Variants in OR1J2 observed in about 807,000 individuals in gnomAD.
The protein encoded by OR1J2 is olfactory receptor 1J2.
For synonymous variants in OR1J2, 142 were observed against 99.7 expected (o/e 1.42, Z -2.52); for missense variants, 304 against 246.1 (o/e 1.24, Z -1.57).
the OR1J2 span, among the ~76,000 whole-genome samples, chr9:122,565,214 A>T: frequency 6.6e-6 from 1 of 152,328 alleles, no homozygotes; most frequent in Admixed American, 6.5e-5. Context: ...TGGAAGCAAC[A>T]TGATTGGAAA....
At chr9:122,472,385 A>G in the OR1J2 span, among the ~76,000 whole-genome samples, 1 of 152,268 alleles carries the variant, frequency 6.6e-6, no homozygotes. Flanking sequence ...AATTGTGCTT[A>G]TCATCTCCAG....
At chr9:122,553,342 G>A in the OR1J2 span, 20 of 1,613,776 alleles carry the variant, frequency 1.2e-5, no homozygotes, top group Non-Finnish European at 1.7e-5. Flanking sequence ...ACCATGGTGG[G>A]GAACCTGCTC....
At chr9:122,504,926 G>T in the OR1J2 span, among the ~76,000 whole-genome samples, 69 of 152,188 alleles carry the variant, frequency 4.5e-4, no homozygotes, top group African/African-American at 1.6e-3. Flanking sequence ...AGAGCATCCA[G>T]TTCCTATAGC....
At chr9:122,486,575 A>C in the OR1J2 span, among the ~76,000 whole-genome samples, 2 of 152,250 alleles carry the variant, frequency 1.3e-5, no homozygotes, top group African/African-American at 4.8e-5. Flanking sequence ...AAAAATTAGA[A>C]TAGCAATCAT....
chr9:122,483,499 G>T, the OR1J2 span, among the ~76,000 whole-genome samples: 1 of 152,144 alleles, frequency 6.6e-6, no homozygotes, highest in African/African-American at 2.4e-5. Flanking sequence ...AACTATGCTC[G>T]TGTAATATAT....
At chr9:122,469,614 G>A in the OR1J2 span, among the ~76,000 whole-genome samples, 3 of 152,190 alleles carry the variant, frequency 2.0e-5, no homozygotes, top group Non-Finnish European at 4.4e-5. Flanking sequence ...CTTTAGAACT[G>A]GGTAACAGGC....
the OR1J2 span, among the ~76,000 whole-genome samples, chr9:122,500,830 A>G: frequency 6.6e-6 from 1 of 152,188 alleles, no homozygotes; most frequent in African/African-American, 2.4e-5. Context: ...AGTTTTGCTC[A>G]ATACTGAAAA....
the OR1J2 span, chr9:122,567,867 G>C: frequency 6.2e-7 from 1 of 1,613,976 alleles, no homozygotes; most frequent in Non-Finnish European, 8.5e-7. Flanking sequence ...AACAATAGGT[G>C]CTTCTGTCAT....
the OR1J2 span, among the ~76,000 whole-genome samples, chr9:122,528,761 A>C: frequency 6.6e-6 from 1 of 152,096 alleles, no homozygotes; most frequent in African/African-American, 2.4e-5. Flanking sequence ...GCTTAGTCCA[A>C]CTCCTCCCTT....
chr9:122,482,660 A>G, the OR1J2 span, among the ~76,000 whole-genome samples: 1 of 152,346 alleles, frequency 6.6e-6, no homozygotes, highest in East Asian at 1.9e-4. Context: ...TATATACACA[A>G]TGGAATACTA....
At chr9:122,532,240 A>C in the OR1J2 span, among the ~76,000 whole-genome samples, 3 of 152,134 alleles carry the variant, frequency 2.0e-5, no homozygotes, top group Non-Finnish European at 2.9e-5. Context: ...GTAGAATAGC[A>C]GATGGAACAC....
chr9:122,567,197 A>C, the OR1J2 span: 1 of 176,348 alleles, frequency 5.7e-6, no homozygotes, highest in East Asian at 1.6e-4. Context: ...TTTCAGCAAT[A>C]TATTGAAATG....
At chr9:122,460,833 G>A in the OR1J2 span, among the ~76,000 whole-genome samples, 1 of 151,958 alleles carries the variant, frequency 6.6e-6, no homozygotes, top group Non-Finnish European at 1.5e-5. Context: ...CCTTGCTTAG[G>A]TATATTCCTA....
At chr9:122,489,465 T>C in the OR1J2 span, among the ~76,000 whole-genome samples, 36 of 151,158 alleles carry the variant, frequency 2.4e-4, no homozygotes, top group Non-Finnish European at 4.6e-4. Context: ...CAAGGAGAGG[T>C]TTCATGAAGC....
the OR1J2 span, among the ~76,000 whole-genome samples, chr9:122,531,011 GTCT>G: frequency 6.6e-6 from 1 of 152,164 alleles, no homozygotes; most frequent in Non-Finnish European, 1.5e-5. Context: ...TGACATTCCT[GTCT>G]TCTTATATTA....
the OR1J2 span, chr9:122,527,026 T>C: frequency 2.5e-6 from 4 of 1,614,146 alleles, no homozygotes; most frequent in Non-Finnish European, 3.4e-6. Context: ...GTATAGGAGA[T>C]GGTGTGATGC....
the OR1J2 span, among the ~76,000 whole-genome samples, chr9:122,459,278 T>C: frequency 6.6e-6 from 1 of 152,242 alleles, no homozygotes; most frequent in African/African-American, 2.4e-5. Flanking sequence ...CTTTTTGTCA[T>C]CCTGATTTCT....
chr9:122,510,800 G>T (rs764037017), upstream of OR1J2: 4 of 1,524,268 alleles, frequency 2.6e-6, no homozygotes, highest in Middle Eastern at 1.7e-4. Context: ...GGGCAAAGGA[G>T]TATGAGCCCT....
chr9:122,492,040 T>G, the OR1J2 span, among the ~76,000 whole-genome samples: 3 of 152,170 alleles, frequency 2.0e-5, no homozygotes, highest in Non-Finnish European at 2.9e-5. Context: ...GGGGTACATG[T>G]GCAAATGTGT....
Sources: allele counts gnomAD v4.1 joint callset (sites outside exome capture counted in the v4.1 genomes callset), GRCh38; gene constraint gnomAD v4.1.1; transcripts MANE v1.5; gene names NCBI Gene and HGNC (gene_info 2026-07-23, HGNC 2026-07-21).